Variants in ZCCHC4 observed in about 807,000 individuals in gnomAD.
The protein encoded by ZCCHC4 is zinc finger CCHC-type containing 4.
In ZCCHC4, 54 loss-of-function variants were observed where a neutral mutation model predicts 67.7. The observed-to-expected ratio is 0.80, with a 90% confidence interval of 0.64 to 1.00. The LOEUF is 1.00. ZCCHC4 is among the 50% of genes least tolerant of loss of function. ZCCHC4 has a pLI of 0.00. For missense variants in ZCCHC4, 609 were observed against 617.0 expected, an observed-to-expected ratio of 0.99 and a Z score of 0.14; for synonymous variants, 198 against 213.5, an observed-to-expected ratio of 0.93 and a Z score of 0.63.
intron 8 of ZCCHC4, among the ~76,000 whole-genome samples, chr4:25,355,965 A>G (rs1720500242): frequency 6.6e-6 from 1 of 152,102 alleles, no homozygotes; most frequent in Admixed American, 6.5e-5. Flanking sequence ...AAATGCAAGT[A>G]CTCTGTCTTA....
chr4:25,366,997 C>G (rs779490088), intron 12 of ZCCHC4, among the ~76,000 whole-genome samples: 3 of 152,050 alleles, frequency 2.0e-5, no homozygotes, highest in Non-Finnish European at 4.4e-5. Context: ...CACCTAAACT[C>G]CTGTTAATAG....
chr4:25,327,566 A>G (rs551014238), intron 3 of ZCCHC4, among the ~76,000 whole-genome samples: 2 of 151,870 alleles, frequency 1.3e-5, no homozygotes, highest in East Asian at 3.9e-4. Context: ...TGTAGACTCT[A>G]CCTCCTTGGT....
intron 10 of ZCCHC4, 53 bp downstream of exon 10, chr4:25,362,354 A>G: frequency 8.2e-7 from 1 of 1,216,292 alleles, no homozygotes; most frequent in Non-Finnish European, 1.1e-6. Context: ...ATTTTATTTT[A>G]GTTTACTAGT....
At chr4:25,344,928 T>C (rs112271363) in intron 5 of ZCCHC4, among the ~76,000 whole-genome samples, 1,548 of 151,936 alleles carry the variant, frequency 0.01, 34 homozygotes, top group African/African-American at 0.036. Context: ...TCAGCCTTCA[T>C]AGTAGCTGGG....
intron 8 of ZCCHC4, chr4:25,352,030 C>T: frequency 9.9e-7 from 1 of 1,009,072 alleles, no homozygotes; most frequent in African/African-American, 1.7e-5. Context: ...TGCAGCCCCC[C>T]CACCCCTGGT....
intron 8 of ZCCHC4, chr4:25,352,399 A>G: frequency 2.0e-6 from 2 of 983,668 alleles, no homozygotes; most frequent in Non-Finnish European, 2.4e-6. Flanking sequence ...TATGGTCTTC[A>G]GGCAGGTACT....
At chr4:25,332,721 C>A (rs1258729479) in intron 3 of ZCCHC4, among the ~76,000 whole-genome samples, 2 of 152,092 alleles carry the variant, frequency 1.3e-5, no homozygotes, top group African/African-American at 4.8e-5. Flanking sequence ...AACATCTTTT[C>A]TTTTAGGAGG....
At chr4:25,340,087 C>G (rs1156406244) in intron 5 of ZCCHC4, among the ~76,000 whole-genome samples, 1 of 152,042 alleles carries the variant, frequency 6.6e-6, no homozygotes, top group Admixed American at 6.6e-5. Flanking sequence ...CCAGGATGGT[C>G]TCGATCTCCT....
chr4:25,332,247 G>A (rs1260836491), intron 3 of ZCCHC4, among the ~76,000 whole-genome samples: 1 of 147,752 alleles, frequency 6.8e-6, no homozygotes, highest in Non-Finnish European at 1.5e-5. Flanking sequence ...GGTGGAGGCT[G>A]CAGTGAGCCA....
At chr4:25,344,539 C>T (rs1317723014) in intron 5 of ZCCHC4, among the ~76,000 whole-genome samples, 1 of 150,982 alleles carries the variant, frequency 6.6e-6, no homozygotes, top group East Asian at 2.0e-4. Context: ...GTACAGCACA[C>T]CAGCATGGCA....
At position 25,314,074 on chromosome 4, in the gene ZCCHC4, C is replaced by T. The variant is rs780243814; in HGVS notation, c.156C>T (p.Thr52=). The T allele has an allele frequency of 1.1e-5, 17 of 1,606,506 alleles. No homozygotes were observed. The highest frequency in any genetic ancestry group is 3.3e-4 in the Middle Eastern group (2 of 6,036). Residue 52 remains threonine (T), a synonymous_variant, in exon 2 of 13, where the codon ACC becomes ACT. Coordinates refer to ENST00000302874, the MANE Select transcript of ZCCHC4 (RefSeq NM_024936.3). ...HGPTLLFVKV[T]QGKEETRRFY... ...CCACTCTTCTGTTTGTAAAGGTGAC[C>T]CAAGGGAAAGAAGAAACTCGGAGGT...
chr4:25,348,083 T>C (rs1156886537), intron 6 of ZCCHC4, among the ~76,000 whole-genome samples: 1 of 152,226 alleles, frequency 6.6e-6, no homozygotes, highest in Non-Finnish European at 1.5e-5. Flanking sequence ...TTTTCTACTT[T>C]TAACTCTAAG....
chr4:25,347,628 A>G (rs1430617040), intron 6 of ZCCHC4, among the ~76,000 whole-genome samples: 1 of 152,224 alleles, frequency 6.6e-6, no homozygotes, highest in African/African-American at 2.4e-5. Context: ...CTAATCAATC[A>G]CTAAGTATTT....
chr4:25,324,258 G>C (rs1195176169), intron 3 of ZCCHC4, among the ~76,000 whole-genome samples: 2 of 151,092 alleles, frequency 1.3e-5, no homozygotes, highest in African/African-American at 2.4e-5. Flanking sequence ...CTCATGATCT[G>C]CCTGCCTTGG....
At chr4:25,322,737 T>G (rs1718649922) in intron 3 of ZCCHC4, among the ~76,000 whole-genome samples, 1 of 152,106 alleles carries the variant, frequency 6.6e-6, no homozygotes, top group Non-Finnish European at 1.5e-5. Context: ...AGGCTGGTCT[T>G]GAACTCCTGG....
chr4:25,351,539 C>G (rs1196327440), intron 7 of ZCCHC4, 50 bp from the exon 8 acceptor site: 1 of 1,288,070 alleles, frequency 7.8e-7, no homozygotes, highest in Admixed American at 2.0e-5. Context: ...CTGTAGCCTT[C>G]TATTTTTTCT....
At chr4:25,366,392 T>C (rs1720952593) in intron 12 of ZCCHC4, 2 of 521,800 alleles carry the variant, frequency 3.8e-6, no homozygotes, top group African/African-American at 4.2e-5. Context: ...CTCGGCTCAC[T>C]GTAAGCTCCG....
At chr4:25,324,014 G>GGTT (rs777768505) in intron 3 of ZCCHC4, among the ~76,000 whole-genome samples, 1 of 82,448 alleles carries the variant, frequency 1.2e-5, no homozygotes, top group Non-Finnish European at 2.1e-5. Context: ...TGTTTTTTGT[G>GGTT]TTTTTTTTTT....
intron 10 of ZCCHC4, among the ~76,000 whole-genome samples, chr4:25,362,576 C>T (rs59051303): frequency 0.013 from 2,027 of 152,208 alleles, 44 homozygotes; most frequent in African/African-American, 0.045. Context: ...TAAATGAATG[C>T]TCAATTATGT....
Sources: allele counts gnomAD v4.1 joint callset (sites outside exome capture counted in the v4.1 genomes callset), GRCh38; gene constraint gnomAD v4.1.1; transcripts MANE v1.5; gene names NCBI Gene and HGNC (gene_info 2026-07-23, HGNC 2026-07-21).